Variants in HDLBP observed in about 807,000 individuals in gnomAD.
HDLBP encodes the protein high density lipoprotein binding protein.
A neutral mutation model predicts 137.3 loss-of-function variants in HDLBP; 30 were observed. That is an observed-to-expected ratio of 0.22 (90% CI 0.16 to 0.30). The LOEUF is 0.30. Among genes scored for constraint, HDLBP ranks in the 10% least tolerant of loss-of-function variants. The pLI is 1.00. For missense variants in HDLBP, 1,119 were observed against 1,667.3 expected (o/e 0.67, Z 5.73); for synonymous variants, 606 against 596.0 (o/e 1.02, Z -0.24).
intron 1 of HDLBP, among the ~76,000 whole-genome samples, chr2:241,271,519 G>C (rs1252187109): frequency 6.6e-6 from 1 of 152,156 alleles, no homozygotes; most frequent in Admixed American, 6.5e-5. Context: ...CAACAAAAAA[G>C]GCTTCACATG....
At chr2:241,248,427 G>T in intron 12 of HDLBP, 79 bp from the exon 13 acceptor site, 1 of 1,178,918 alleles carries the variant, frequency 8.5e-7, no homozygotes. Flanking sequence ...GGACACCAGG[G>T]AGCCCTGGGC....
Position 241,256,226 on chromosome 2 carries a change from C to T in HDLBP, c.831G>A (p.Leu277=), listed in dbSNP as rs200815492. ...EIVFTGEKEQ[L]AQAVARIKKI... is the part of the protein sequence containing the mutation. ...TCTTGATGCGAGCCACAGCCTGAGCCAACTGTTCCTTCTCTCCAGTGAAGA... is the reference window on the plus strand; with the variant it reads ...TCTTGATGCGAGCCACAGCCTGAGCTAACTGTTCCTTCTCTCCAGTGAAGA... Residue 277 remains leucine (L), a synonymous_variant, in exon 7 of 28, where the codon TTG becomes TTA. Transcript: ENST00000310931. 2 of 1,614,164 alleles carry T rather than the reference C, an allele frequency of 1.2e-6. No individual in the cohort carries two copies. The highest frequency in any genetic ancestry group is 2.7e-5 in the African/African-American group (2 of 75,034).
Position 241,248,100 on chromosome 2 carries a change from G to C in HDLBP, c.1634C>G (p.Pro545Arg). The C allele has an allele frequency of 6.2e-7, 1 of 1,613,902 alleles. No individual in the cohort carries two copies. Among genetic ancestry groups the C allele is most frequent in the South Asian group, 1.1e-5 (1 of 91,082 alleles). ...DKFPEVIINF[P>R]DPAQKSDIVQ... is the part of the protein sequence containing the mutation. ...AATGTCACTTTTTTGTGCTGGGTCT[G>C]GAAAGTTAATGATGACCTAGAACAA... The change falls in exon 14 of 28, where the codon CCA becomes CGA. Residue 545 changes from proline to arginine, a missense_variant. By Grantham distance (103) the Pro-to-Arg change is moderately radical. Around this residue, in one of 4 missense-constraint regions of HDLBP, gnomAD observed 425 missense variants for 693.9 expected, o/e 0.61. Transcript: ENST00000310931.
intron 1 of HDLBP, among the ~76,000 whole-genome samples, chr2:241,299,500 C>A: frequency 1.1e-5 from 1 of 93,528 alleles, no homozygotes; most frequent in Non-Finnish European, 2.0e-5. Context: ...AGCCTGGCTC[C>A]GTCTCAAAAA....
chr2:241,277,004 TAAAC>T (rs760264704), intron 1 of HDLBP, among the ~76,000 whole-genome samples: 1 of 150,024 alleles, frequency 6.7e-6, no homozygotes, highest in East Asian at 1.9e-4. Flanking sequence ...AAAAAAAAAT[TAAAC>T]AAATAGTAAA....
Position 241,249,846 on chromosome 2 carries a change from G to C in HDLBP, c.1507C>G (p.Arg503Gly), listed in dbSNP as rs1200637799. ...AKRELLELAS[R>G]MENERTKDLI... Reference sequence around the variant, plus strand: ...GGCCCAGCCATGGCACTTACCATGCGAGATGCAAGCTCCAGCAGCTCTCGC... The same window carrying C: ...GGCCCAGCCATGGCACTTACCATGCCAGATGCAAGCTCCAGCAGCTCTCGC... Residue 503 changes from arginine to glycine, a missense_variant, in exon 12 of 28, where the codon CGC (arginine) becomes GGC (glycine). Transcript: ENST00000310931. 1 of 1,603,678 alleles carries C rather than the reference G, an allele frequency of 6.2e-7. No homozygotes were observed. Among genetic ancestry groups the C allele is most frequent in the Non-Finnish European group, 8.5e-7 (1 of 1,176,078 alleles).
At chr2:241,274,922 A>G (rs1306157221) in intron 1 of HDLBP, among the ~76,000 whole-genome samples, 2 of 152,142 alleles carry the variant, frequency 1.3e-5, no homozygotes, top group Non-Finnish European at 2.9e-5. Context: ...GGAGGTGAGA[A>G]GAGATACCCT....
intron 1 of HDLBP, among the ~76,000 whole-genome samples, chr2:241,308,987 C>T (rs2149718694): frequency 6.6e-6 from 1 of 152,324 alleles, no homozygotes; most frequent in African/African-American, 2.4e-5. Context: ...TGGTGTTCCA[C>T]ATTCCTCTAA....
intron 1 of HDLBP, among the ~76,000 whole-genome samples, chr2:241,311,419 A>C (rs1262668567): frequency 6.6e-6 from 1 of 152,226 alleles, no homozygotes; most frequent in East Asian, 1.9e-4. Flanking sequence ...TGAGACAGTC[A>C]AATCAAGAGA....
At position 241,273,682 on chromosome 2, in the gene HDLBP, C is replaced by T. The variant is rs1407483377; in HGVS notation, c.-102-5141G>A. ...CCTGCATAGGGCACAGGATCAACTA[C>T]AGGTATCTGGGGACAAGACCGTCCC... On this transcript the variant is annotated intron_variant, in intron 1 of 27. Transcript: ENST00000310931. The T allele has an allele frequency of 8.1e-6, 8 of 984,766 alleles. No homozygotes were observed. In the South Asian group the frequency reaches 2.4e-4, roughly 29 times the overall value. 61.0% of individuals were successfully genotyped at this position (984,766 alleles called of 1,614,324 possible). A position where few individuals can be genotyped will look rare whatever the true frequency, so the allele number is the denominator to read the frequency against.
Position 241,268,472 on chromosome 2 carries a change from C to G in HDLBP, c.-38+5G>C. ...CAGGAAGTCTTCAGACAGGGTCAAA[C>G]TTACCAGCAAAACGGTCAGTAGCCA... On this transcript the variant is annotated splice_donor_5th_base_variant and intron_variant, in intron 2 of 27. Coordinates refer to ENST00000310931, the MANE Select transcript of HDLBP (RefSeq NM_005336.6). 2 of 985,946 alleles carry G rather than the reference C, an allele frequency of 2.0e-6. No individual in the cohort carries two copies. Among genetic ancestry groups the G allele is most frequent in the Non-Finnish European group, 2.4e-6 (2 of 829,984 alleles). The allele number at this position is 985,946 out of a possible 1,614,324, so 61.1% of individuals were successfully genotyped here.
At chr2:241,264,193 C>T (rs1166336502) in intron 4 of HDLBP, among the ~76,000 whole-genome samples, 1 of 151,556 alleles carries the variant, frequency 6.6e-6, no homozygotes, top group Admixed American at 6.6e-5. Flanking sequence ...GAAACCCCGT[C>T]TCTACTAAAA....
intron 5 of HDLBP, among the ~76,000 whole-genome samples, chr2:241,258,272 G>A (rs535709704): frequency 8.0e-5 from 12 of 150,308 alleles, no homozygotes; most frequent in African/African-American, 2.2e-4. Context: ...GCGTGAACCC[G>A]GGAGGCGGAG....
At position 241,233,927 on chromosome 2, in the gene HDLBP, G is replaced by A; in HGVS notation, c.3181C>T (p.Pro1061Ser). The A allele has an allele frequency of 1.2e-6, 2 of 1,614,084 alleles. No homozygotes were observed. The highest frequency in any genetic ancestry group is 1.1e-5 in the South Asian group (1 of 91,076). ...RSFKLSVTVDPKYHPKIIGRK... is the reference protein window; with the variant it reads ...RSFKLSVTVDSKYHPKIIGRK... The stretch of plus-strand genomic sequence containing the variant: ...CCGATAATCTTGGGATGGTATTTGG[G>A]GTCTACAGTGACACTCAGCTTAAAA... The change falls in exon 24 of 28, where the codon CCC becomes TCC. Residue 1061 changes from proline to serine, a missense_variant. Coordinates refer to ENST00000310931, the MANE Select transcript of HDLBP (RefSeq NM_005336.6). This position sits in a 1 kb window ranked among gnomAD's most constrained non-coding sequence, Gnocchi z 4.3.
chr2:241,255,574 T>C lies in HDLBP; in HGVS notation c.880A>G (p.Lys294Glu). Reference protein sequence around the residue: ...IKKIYEEKKKKTTTIAVEVKK... With the variant: ...IKKIYEEKKKETTTIAVEVKK... ...ACTTCCACTGCAATGGTTGTAGTCT[T>C]CTTTTTCTAAATAAGAGCACCATAA... Residue 294 changes from lysine (K) to glutamate (E), a missense_variant, in exon 8 of 28, where the codon AAG becomes GAG. Lys to Glu is a moderately conservative substitution (Grantham distance 56). Transcript: ENST00000310931. 6.2e-7 allele frequency: 1 copy of C among 1,613,062 alleles called. No individual in the cohort carries two copies. Among genetic ancestry groups the C allele is most frequent in the Non-Finnish European group, 8.5e-7 (1 of 1,178,952 alleles).
At chr2:241,257,802 A>T (rs1238376366) in intron 5 of HDLBP, among the ~76,000 whole-genome samples, 1 of 152,212 alleles carries the variant, frequency 6.6e-6, no homozygotes, top group Admixed American at 6.5e-5. Context: ...TGGAGGTGTT[A>T]ACAGTGGTCC....
At chr2:241,264,293 C>G (rs1320315650) in intron 4 of HDLBP, among the ~76,000 whole-genome samples, 155 bp downstream of exon 4, 1 of 148,330 alleles carries the variant, frequency 6.7e-6, no homozygotes, top group Non-Finnish European at 1.5e-5. Context: ...ACCCGGGAGG[C>G]GGAGCGTGCA....
chr2:241,283,620 G>A (rs1440351770), intron 1 of HDLBP, among the ~76,000 whole-genome samples: 5 of 151,770 alleles, frequency 3.3e-5, no homozygotes, highest in African/African-American at 4.8e-5. Flanking sequence ...GACTACAGGC[G>A]CCCACCACCA....
At chr2:241,234,111 G>A (rs1269589695) in intron 23 of HDLBP, 148 bp from the exon 24 acceptor site, 8 of 818,388 alleles carry the variant, frequency 9.8e-6, no homozygotes, top group East Asian at 2.6e-5. Flanking sequence ...TCTCTGGTCC[G>A]ACCTCTGCCA....
Sources: allele counts gnomAD v4.1 joint callset (sites outside exome capture counted in the v4.1 genomes callset), GRCh38; gene constraint gnomAD v4.1.1; regional missense constraint gnomAD v4.1.1; non-coding constraint Gnocchi (gnomAD v3.1); transcripts MANE v1.5; gene names NCBI Gene and HGNC (gene_info 2026-07-23, HGNC 2026-07-21).